CFAP61: variants seen among roughly 807,000 people sequenced by gnomAD.
CFAP61 encodes the protein cilia- and flagella-associated protein 61.
CFAP61 carries 107 observed loss-of-function variants against 135.6 expected under a neutral mutation model. The ratio of observed to expected loss-of-function variants is 0.79; its 90% CI spans 0.67 to 0.93. The LOEUF (loss-of-function observed/expected upper bound fraction) is 0.93, where lower values mean the gene tolerates loss of function less well. Among genes scored for constraint, CFAP61 ranks in the 40% least tolerant of loss-of-function variants. The pLI is 0.00. For synonymous variants in CFAP61, 575 were observed against 578.5 expected, an observed-to-expected ratio of 0.99 and a Z score of 0.09; for missense variants, 1,507 against 1,556.2, an observed-to-expected ratio of 0.97 and a Z score of 0.53.
intron 25 of CFAP61, among the ~76,000 whole-genome samples, chr20:20,302,551 C>G (rs2424338): frequency 6.6e-6 from 1 of 152,142 alleles, no homozygotes; most frequent in African/African-American, 2.4e-5. Context: ...AATCCTGGCT[C>G]TTTGAAAGGC....
intron 8 of CFAP61, among the ~76,000 whole-genome samples, chr20:20,108,040 A>G (rs2048533210): frequency 6.6e-6 from 1 of 152,222 alleles, no homozygotes; most frequent in Admixed American, 6.5e-5. Context: ...ATGTGGGAAA[A>G]TATTAAACTT....
intron 17 of CFAP61, among the ~76,000 whole-genome samples, chr20:20,207,640 G>T (rs535487901): frequency 6.6e-6 from 1 of 152,212 alleles, no homozygotes; most frequent in Non-Finnish European, 1.5e-5. Context: ...AGTAGCTGGG[G>T]ATATAAAATG....
Position 20,273,817 on chromosome 20 carries a change from CTG to C in CFAP61, c.2504-3348_2504-3347del, listed in dbSNP as rs1192729551. 4.6e-5 allele frequency among the ~76,000 whole-genome samples: 7 copies of C among 152,340 alleles called. No individual in the cohort carries two copies. In the East Asian group the frequency reaches 1.3e-3, roughly 29 times the overall value. On this transcript the variant is annotated intron_variant, in intron 21 of 26. Coordinates refer to ENST00000245957, the MANE Select transcript of CFAP61 (RefSeq NM_015585.4). The stretch of plus-strand genomic sequence containing the variant: ...GGAAAGGTGGAGACCGCCCACAGGC[CTG>C]CTGGGGCCTCACCTGCCTGGAGGCT...
At chr20:20,134,403 G>A (rs1464386435) in intron 8 of CFAP61, among the ~76,000 whole-genome samples, 2 of 152,196 alleles carry the variant, frequency 1.3e-5, no homozygotes, top group Non-Finnish European at 2.9e-5. Context: ...GACAAAGCAG[G>A]ACAGGAGAAC....
intron 2 of CFAP61, 42 bp downstream of exon 2, chr20:20,056,838 T>C (rs758801014): frequency 1.3e-6 from 2 of 1,594,466 alleles, no homozygotes; most frequent in East Asian, 2.2e-5. Flanking sequence ...TCAATTTTGG[T>C]TGGGTGCAGT....
chr20:20,231,697 G>A (rs568535903), intron 18 of CFAP61, among the ~76,000 whole-genome samples: 67 of 152,348 alleles, frequency 4.4e-4, no homozygotes, highest in African/African-American at 1.5e-3. Context: ...AGGAGCATGC[G>A]TGTTTGTGGC....
At chr20:20,327,262 A>C (rs2057786081) in intron 25 of CFAP61, among the ~76,000 whole-genome samples, 1 of 152,058 alleles carries the variant, frequency 6.6e-6, no homozygotes, top group African/African-American at 2.4e-5. Context: ...TATTTTATTG[A>C]ATTGCCTGGA....
At chr20:20,106,151 A>G (rs971908855) in intron 8 of CFAP61, among the ~76,000 whole-genome samples, 4 of 151,394 alleles carry the variant, frequency 2.6e-5, no homozygotes, top group Non-Finnish European at 4.4e-5. Context: ...GGCATCTCCA[A>G]TGTTGAGAGT....
At chr20:20,321,675 T>C (rs894696649) in intron 25 of CFAP61, among the ~76,000 whole-genome samples, 4 of 152,130 alleles carry the variant, frequency 2.6e-5, no homozygotes, top group Non-Finnish European at 4.4e-5. Flanking sequence ...CATGTTTACG[T>C]TGCAAGCCCC....
intron 26 of CFAP61, among the ~76,000 whole-genome samples, chr20:20,349,303 T>C (rs1278935067): frequency 6.6e-6 from 1 of 152,222 alleles, no homozygotes. Context: ...CATCTGCTTC[T>C]GGTGAGGGCC....
In CFAP61 at chr20:20,360,362, C is replaced by A. The variant is rs748096079; in HGVS notation, c.3666C>A (p.His1222Gln). The A allele has an allele frequency of 6.2e-7, 1 of 1,613,916 alleles. No individual in the cohort carries two copies. Among genetic ancestry groups the A allele is most frequent in the South Asian group, 1.1e-5 (1 of 91,080 alleles). Residue 1222 changes from histidine to glutamine, a missense_variant, in exon 27 of 27, where the codon CAC (histidine) becomes CAA (glutamine). By Grantham distance (24) the His-to-Gln change is conservative. Coordinates refer to ENST00000245957, the MANE Select transcript of CFAP61 (RefSeq NM_015585.4). Reference protein sequence around the residue: ...LVERSTLDYLHYNRYHLPMYA... With the variant: ...LVERSTLDYLQYNRYHLPMYA... ...AGAGAAGCACTCTTGACTACCTGCACTATAACCGCTACCACCTGCCCATGT... is the reference window on the plus strand; with the variant it reads ...AGAGAAGCACTCTTGACTACCTGCAATATAACCGCTACCACCTGCCCATGT...
intron 8 of CFAP61, among the ~76,000 whole-genome samples, chr20:20,130,180 T>A (rs1409808734): frequency 6.6e-6 from 1 of 151,374 alleles, no homozygotes; most frequent in Non-Finnish European, 1.5e-5. Context: ...TCCCAGCTAC[T>A]CAGGAGGCTG....
chr20:20,060,645 CACTT>C (rs2044725362), intron 2 of CFAP61, among the ~76,000 whole-genome samples: 4 of 152,252 alleles, frequency 2.6e-5, no homozygotes, highest in Non-Finnish European at 5.9e-5. Context: ...CACATCCTGT[CACTT>C]ACGCCTTTGT....
At chr20:20,171,819 G>GTC in intron 13 of CFAP61, 1 of 704,762 alleles carries the variant, frequency 1.4e-6, no homozygotes. Flanking sequence ...CATCACCAGA[G>GTC]TGTCAAAGGG....
At chr20:20,316,249 T>G (rs376769391) in intron 25 of CFAP61, among the ~76,000 whole-genome samples, 4,018 of 152,072 alleles carry the variant, frequency 0.026, 171 homozygotes, top group African/African-American at 0.093. Context: ...TGAAGAGGTC[T>G]TTCACATCCC....
intron 9 of CFAP61, among the ~76,000 whole-genome samples, chr20:20,148,486 C>T (rs755833769): frequency 6.6e-6 from 1 of 151,898 alleles, no homozygotes; most frequent in African/African-American, 2.4e-5. Context: ...AAGTATATTC[C>T]TAGGGTTTTT....
At chr20:20,158,911 G>A (rs1487704338) in intron 9 of CFAP61, among the ~76,000 whole-genome samples, 1 of 152,116 alleles carries the variant, frequency 6.6e-6, no homozygotes, top group Non-Finnish European at 1.5e-5. Flanking sequence ...ATTCTATTAG[G>A]TTGGCACAAA....
At chr20:20,101,099 A>G (rs141667944) in intron 8 of CFAP61, among the ~76,000 whole-genome samples, 3 of 152,334 alleles carry the variant, frequency 2.0e-5, no homozygotes, top group East Asian at 3.9e-4. Flanking sequence ...AGCTCATTAT[A>G]TCTAAGAAAA....
At chr20:20,092,921 A>G (rs1225156982) in intron 7 of CFAP61, among the ~76,000 whole-genome samples, 1 of 152,194 alleles carries the variant, frequency 6.6e-6, no homozygotes, top group Non-Finnish European at 1.5e-5. Flanking sequence ...ATTTTGGAAA[A>G]AGTCTGGTAT....
Sources: allele counts gnomAD v4.1 joint callset (sites outside exome capture counted in the v4.1 genomes callset), GRCh38; gene constraint gnomAD v4.1.1; transcripts MANE v1.5; gene names NCBI Gene and HGNC (gene_info 2026-07-23, HGNC 2026-07-21).